CIMAP1D: variants seen among roughly 807,000 people sequenced by gnomAD.
CIMAP1D encodes the protein protein CIMAP1D.
At chr19:477,945 T>C in the CIMAP1D span, among the ~76,000 whole-genome samples, 1 of 152,118 alleles carries the variant, frequency 6.6e-6, no homozygotes, top group African/African-American at 2.4e-5. Flanking sequence ...CCTAAGACGG[T>C]CTCCACCTCG....
the CIMAP1D span, among the ~76,000 whole-genome samples, chr19:484,285 T>C: frequency 1.3e-5 from 2 of 151,738 alleles, no homozygotes; most frequent in Admixed American, 6.6e-5. Flanking sequence ...GGATTACAGG[T>C]GTGCGCCACC....
chr19:481,090 C>T, the CIMAP1D span, among the ~76,000 whole-genome samples: 2 of 65,828 alleles, frequency 3.0e-5, no homozygotes, highest in African/African-American at 6.3e-5. Flanking sequence ...TGATGGAGAA[C>T]GATGATGGAG....
At chr19:481,171 T>C in the CIMAP1D span, among the ~76,000 whole-genome samples, 1 of 115,074 alleles carries the variant, frequency 8.7e-6, no homozygotes, top group East Asian at 2.8e-4. Flanking sequence ...GGAAGGATGA[T>C]GGAGAAGGAA....
chr19:479,692 CGT>C, the CIMAP1D span, among the ~76,000 whole-genome samples: 6 of 151,576 alleles, frequency 4.0e-5, no homozygotes, highest in South Asian at 4.1e-4. Context: ...CGTGAGCCAC[CGT>C]GCCCGGCTAA....
At chr19:488,011 G>A in the CIMAP1D span, among the ~76,000 whole-genome samples, 1 of 152,004 alleles carries the variant, frequency 6.6e-6, no homozygotes, top group Admixed American at 6.6e-5. Context: ...CCCCAGTCAC[G>A]TACCCCCTGC....
At chr19:475,527 C>T in the CIMAP1D span, among the ~76,000 whole-genome samples, 2 of 152,112 alleles carry the variant, frequency 1.3e-5, no homozygotes, top group Non-Finnish European at 2.9e-5. Flanking sequence ...TAAAACTGAA[C>T]AGTCCCAAAG....
the CIMAP1D span, among the ~76,000 whole-genome samples, chr19:470,047 G>A: frequency 6.6e-6 from 1 of 152,036 alleles, no homozygotes; most frequent in Non-Finnish European, 1.5e-5. Context: ...ACAAAACCCA[G>A]ATCCCATGTT....
the CIMAP1D span, among the ~76,000 whole-genome samples, chr19:473,825 G>C: frequency 8.1e-6 from 1 of 123,010 alleles, no homozygotes; most frequent in Non-Finnish European, 1.7e-5. Flanking sequence ...CACAGATGGG[G>C]AAACTGAGGG....
the CIMAP1D span, chr19:489,656 C>A: frequency 4.2e-5 from 8 of 190,472 alleles, no homozygotes; most frequent in Admixed American, 1.2e-4. Flanking sequence ...GCCAGGATCT[C>A]CCCCTTCCCA....
chr19:478,291 C>T, the CIMAP1D span, among the ~76,000 whole-genome samples: 1 of 102,644 alleles, frequency 9.7e-6, no homozygotes, highest in East Asian at 4.0e-4. Context: ...TCCCTCCTCA[C>T]ATCCGGGTCA....
the CIMAP1D span, among the ~76,000 whole-genome samples, chr19:481,135 GGGGAAGGATGAT>G: frequency 2.3e-3 from 215 of 93,284 alleles, 5 homozygotes; most frequent in African/African-American, 0.011. Context: ...GAAGGATGAT[GGGGAAGGATGAT>G]GGGAAGGATG....
the CIMAP1D span, among the ~76,000 whole-genome samples, chr19:488,839 G>A: frequency 1.3e-5 from 2 of 152,152 alleles, no homozygotes; most frequent in African/African-American, 4.8e-5. Flanking sequence ...TGGAAGACTC[G>A]CGGCGGGGAC....
At chr19:472,049 A>G in the CIMAP1D span, among the ~76,000 whole-genome samples, 2 of 152,234 alleles carry the variant, frequency 1.3e-5, no homozygotes, top group Non-Finnish European at 2.9e-5. Context: ...CCGGCCTGCT[A>G]TTGTTAACTT....
At chr19:488,784 C>A in the CIMAP1D span, among the ~76,000 whole-genome samples, 1 of 152,326 alleles carries the variant, frequency 6.6e-6, no homozygotes, top group East Asian at 1.9e-4. Context: ...CCCGGGGACA[C>A]CAGGCTCCTT....
the CIMAP1D span, among the ~76,000 whole-genome samples, chr19:471,800 T>C: frequency 2.6e-5 from 4 of 151,980 alleles, no homozygotes; most frequent in Non-Finnish European, 4.4e-5. Context: ...TGGAGTGCAG[T>C]GGCGCCATCT....
the CIMAP1D span, among the ~76,000 whole-genome samples, chr19:471,309 C>T: frequency 1.3e-5 from 2 of 151,936 alleles, no homozygotes; most frequent in Non-Finnish European, 2.9e-5. Context: ...CAACCACGCC[C>T]GGCTAATTTT....
the CIMAP1D span, chr19:467,843 G>C: frequency 1.2e-6 from 1 of 856,336 alleles, no homozygotes; most frequent in Non-Finnish European, 1.8e-6. Flanking sequence ...GCCCCTCTTG[G>C]CCCCGAGACA....
the CIMAP1D span, chr19:467,868 G>A: frequency 2.9e-6 from 2 of 695,938 alleles, no homozygotes; most frequent in Non-Finnish European, 4.9e-6. Context: ...CACCAGGTCA[G>A]AGGCCACCCC....
chr19:485,723 C>T, the CIMAP1D span, among the ~76,000 whole-genome samples: 3 of 152,228 alleles, frequency 2.0e-5, no homozygotes, highest in Admixed American at 6.5e-5. Flanking sequence ...GAGGGTGCGA[C>T]AGCTGGGAGG....
Sources: gnomAD v4.1 joint callset for allele counts (sites outside exome capture counted in the v4.1 genomes callset) on GRCh38, gnomAD v4.1.1 for gene constraint, MANE v1.5 for transcripts, NCBI Gene and HGNC (gene_info 2026-07-23, HGNC 2026-07-21) for gene names.